Variants in POLB observed in about 807,000 individuals in gnomAD.
POLB encodes the protein DNA polymerase beta.
POLB carries 37 observed loss-of-function variants against 52.7 expected under a neutral mutation model. That is an observed-to-expected ratio of 0.70 (90% confidence interval 0.54 to 0.92). POLB has a LOEUF of 0.92. POLB is among the 40% of genes least tolerant of loss of function. The pLI, the probability that POLB is intolerant of heterozygous loss-of-function variation, is 0.00. For synonymous variants in POLB, 138 were observed against 131.3 expected (o/e 1.05, Z -0.35); for missense variants, 313 against 400.8 (o/e 0.78, Z 1.87).
In POLB at chr8:42,338,998, C is replaced by T; in HGVS notation, c.62-14C>T. On this transcript the variant is annotated splice_polypyrimidine_tract_variant and intron_variant, in intron 1 of 13. Transcript: ENST00000265421. ...CGTGGTTCTTGTTCACCCGAGCCTT[C>T]TGTTGCCTTTCAGAACTCGCAAACT... The T allele has an allele frequency of 1.9e-6, 3 of 1,611,972 alleles. No individual in the cohort carries two copies. The highest frequency in any genetic ancestry group is 2.5e-6 in the Non-Finnish European group (3 of 1,177,974).
chr8:42,342,091 T>C (rs1276964913), intron 2 of POLB: 2 of 1,148,058 alleles, frequency 1.7e-6, no homozygotes, highest in Admixed American at 3.4e-5. Flanking sequence ...ATTCCTTGCT[T>C]TCAGAATCAT....
intron 11 of POLB, among the ~76,000 whole-genome samples, chr8:42,363,197 G>T (rs1476223084): frequency 2.6e-5 from 4 of 151,448 alleles, no homozygotes; most frequent in African/African-American, 9.7e-5. Context: ...TTTTAGGAAA[G>T]AATTTTCTTT....
intron 10 of POLB, 99 bp from the exon 11 acceptor site, chr8:42,362,513 C>A: frequency 1.3e-6 from 1 of 747,886 alleles, no homozygotes; most frequent in Non-Finnish European, 2.3e-6. Context: ...CCAGCCTGTG[C>A]AATATAGCAA....
chr8:42,350,648 T>C (rs1822920614), intron 5 of POLB, among the ~76,000 whole-genome samples: 1 of 152,174 alleles, frequency 6.6e-6, no homozygotes, highest in Non-Finnish European at 1.5e-5. Context: ...TTTTTGACAC[T>C]GGCTGAAGTA....
At chr8:42,363,598 G>A (rs1439213641) in intron 11 of POLB, among the ~76,000 whole-genome samples, 3 of 143,536 alleles carry the variant, frequency 2.1e-5, no homozygotes, top group African/African-American at 7.8e-5. Context: ...GAAAATACCA[G>A]TAATGACTTT....
At chr8:42,348,204 C>T (rs771618501) in intron 3 of POLB, among the ~76,000 whole-genome samples, 4 of 152,108 alleles carry the variant, frequency 2.6e-5, no homozygotes, top group African/African-American at 4.8e-5. Flanking sequence ...TATGTATCTA[C>T]TAGGATTCAT....
chr8:42,366,275 A>G (rs1218757881), intron 11 of POLB, among the ~76,000 whole-genome samples: 3 of 152,170 alleles, frequency 2.0e-5, no homozygotes, highest in African/African-American at 2.4e-5. Flanking sequence ...GATAGACCCT[A>G]TCTTGACTTC....
intron 5 of POLB, 50 bp downstream of exon 5, chr8:42,350,115 C>T (rs377568594): frequency 7.3e-6 from 9 of 1,233,616 alleles, no homozygotes; most frequent in Non-Finnish European, 1.1e-5. Flanking sequence ...TTTATTTTTC[C>T]TGTTAGCCAA....
Position 42,339,095 on chromosome 8 carries a change from A to G in POLB, c.119+26A>G, listed in dbSNP as rs778763451. The G allele has an allele frequency of 1.9e-6, 3 of 1,576,618 alleles. No homozygotes were observed. In the Admixed American group the frequency reaches 5.0e-5, roughly 26 times the overall value. On this transcript the variant is annotated intron_variant, in intron 2 of 13. Coordinates refer to ENST00000265421, the MANE Select transcript of POLB (RefSeq NM_002690.3). ...GTGGGACAGTGCAGCATTCTCGGGT[A>G]GCATACGTTCTGGGATACCCTGTTT...
chr8:42,357,185 GA>G lies in POLB; in HGVS notation c.445del (p.Arg149GlufsTer15). 2.6e-6 allele frequency: 4 copies of G among 1,551,724 alleles called. No homozygotes were observed. The highest frequency in any genetic ancestry group is 3.6e-6 in the Non-Finnish European group (4 of 1,125,110). On this transcript the variant is annotated frameshift_variant, in exon 8 of 14. Transcript: ENST00000265421. LOFTEE classifies it high-confidence loss of function. ...RIGLKYFGDF[E>X]KRIPREEMLQ... ...TCTTTATAGATATTTTGGGGACTTT[GA>G]AAAAAGAATTCCTCGTGAAGAGATG...
At chr8:42,350,569 G>A (rs1197186465) in intron 5 of POLB, among the ~76,000 whole-genome samples, 6 of 151,992 alleles carry the variant, frequency 3.9e-5, no homozygotes. Context: ...ACGCCCCCTT[G>A]CCCAGCTTCA....
intron 3 of POLB, 37 bp downstream of exon 3, chr8:42,345,056 C>T (rs773270626): frequency 1.3e-5 from 19 of 1,459,270 alleles, no homozygotes; most frequent in Admixed American, 3.4e-5. Flanking sequence ...AGAGTTCACA[C>T]GTGTCCAAAT....
chr8:42,369,430 T>A, intron 12 of POLB, 95 bp downstream of exon 12: 1 of 714,172 alleles, frequency 1.4e-6, no homozygotes. Context: ...CATTCATATC[T>A]AGAGCCTTTT....
intron 6 of POLB, among the ~76,000 whole-genome samples, chr8:42,355,028 G>GT (rs535489557): frequency 2.1e-4 from 32 of 151,546 alleles, no homozygotes; most frequent in South Asian, 1.3e-3. Context: ...GTGTGATTCT[G>GT]TTTTTTTTTG....
chr8:42,360,428 T>G (rs909665253), intron 9 of POLB, among the ~76,000 whole-genome samples: 4 of 152,088 alleles, frequency 2.6e-5, no homozygotes, highest in Admixed American at 2.6e-4. Context: ...GGAGATAGAT[T>G]GGATTCTTTT....
intron 10 of POLB, among the ~76,000 whole-genome samples, chr8:42,362,330 A>G (rs1211971347): frequency 1.3e-5 from 2 of 151,868 alleles, no homozygotes; most frequent in African/African-American, 2.4e-5. Context: ...TAGAAAACTC[A>G]TGTTAAAAAT....
At chr8:42,342,333 A>G in intron 2 of POLB, 2 of 1,514,432 alleles carry the variant, frequency 1.3e-6, no homozygotes, top group Admixed American at 3.3e-5. Flanking sequence ...GCAGCAGGCC[A>G]GTACAATATG....
At chr8:42,361,001 C>A in intron 9 of POLB, 1 of 498,468 alleles carries the variant, frequency 2.0e-6, no homozygotes, top group Non-Finnish European at 3.7e-6. Context: ...TGTTTTTATT[C>A]ATTATTGAGT....
intron 9 of POLB, among the ~76,000 whole-genome samples, chr8:42,358,796 G>C (rs1264346935): frequency 6.6e-6 from 1 of 152,148 alleles, no homozygotes; most frequent in Non-Finnish European, 1.5e-5. Context: ...TGTCTCTCCT[G>C]ATCTTAGATT....
Sources: allele counts gnomAD v4.1 joint callset (sites outside exome capture counted in the v4.1 genomes callset), GRCh38; gene constraint gnomAD v4.1.1; transcripts MANE v1.5; gene names NCBI Gene and HGNC (gene_info 2026-07-23, HGNC 2026-07-21).